The following CLBA1 variants were observed in gnomAD, a reference collection of about 807,000 sequenced individuals.
The protein encoded by CLBA1 is uncharacterized protein CLBA1.
In CLBA1, 30 loss-of-function variants were observed where a neutral mutation model predicts 28.8. The observed-to-expected ratio is 1.04, with a 90% CI of 0.78 to 1.41. CLBA1 has a LOEUF of 1.41. Ranked by LOEUF, CLBA1 falls within the 40% of genes most tolerant of loss-of-function variation. The pLI is 0.00. For missense variants in CLBA1, 451 were observed against 412.3 expected (o/e 1.09, Z -0.81); for synonymous variants, 160 against 152.8 (o/e 1.05, Z -0.35).
Position 104,992,875 on chromosome 14 carries a change from G to A in CLBA1, c.700-73G>A, listed in dbSNP as rs553515417. The A allele has an allele frequency of 1.4e-5, 17 of 1,200,158 alleles. No homozygotes were observed. The Admixed American group carries it at 2.0e-4, about 14-fold the overall frequency. 74.3% of individuals were successfully genotyped at this position (1,200,158 alleles called of 1,614,324 possible). A position where few individuals can be genotyped will look rare whatever the true frequency, so the allele number is the denominator to read the frequency against. On this transcript the variant is annotated intron_variant, in intron 3 of 4. Transcript: ENST00000547315. ...CAGTTTTAGCATGAAATTAGTAGAG[G>A]GGCTCAGGGGAAAAGGAAACAGGAG...
chr14:104,988,817 G>A, intron 1 of CLBA1, 126 bp from the exon 2 acceptor site: 1 of 983,606 alleles, frequency 1.0e-6, no homozygotes, highest in South Asian at 1.8e-5. Context: ...TATGTCAAGT[G>A]ATAGTAACAC....
intron 2 of CLBA1, chr14:104,990,783 G>A (rs555619161): frequency 9.8e-5 from 15 of 153,774 alleles, no homozygotes; most frequent in African/African-American, 3.6e-4. Flanking sequence ...ACTCAGCACA[G>A]TTCTAGGCAC....
downstream of CLBA1, among the ~76,000 whole-genome samples, chr14:104,998,304 C>G (rs1900191914): frequency 2.0e-5 from 3 of 151,674 alleles, no homozygotes; most frequent in Non-Finnish European, 4.4e-5. Context: ...GTCCCAGCTA[C>G]TCAGGAGGCT....
chr14:104,989,382 G>A (rs1294728684), intron 2 of CLBA1: 2 of 423,044 alleles, frequency 4.7e-6, no homozygotes, highest in African/African-American at 2.0e-5. Context: ...AGTGGGTGGG[G>A]GCCTCGCATT....
Position 104,986,401 on chromosome 14 carries a change from A to G in CLBA1, c.-31A>G. 1.2e-6 allele frequency: 2 copies of G among 1,603,416 alleles called. No individual in the cohort carries two copies. The highest frequency in any genetic ancestry group is 2.2e-5 in the South Asian group (2 of 90,484). ...GTGCATGTCTCCTGAGCAGCTGCCC[A>G]TCGGGCCTCTGCTGGCCTGGGGGCT... On this transcript the variant is annotated 5_prime_UTR_variant, in exon 1 of 5. Transcript: ENST00000547315.
At chr14:104,996,025 A>G (rs1374546216), downstream of CLBA1, among the ~76,000 whole-genome samples, 1 of 152,156 alleles carries the variant, frequency 6.6e-6, no homozygotes, top group East Asian at 1.9e-4. Context: ...ACAAGCCAAA[A>G]TACTCCATCC....
At chr14:104,997,917 G>A (rs1160141182), downstream of CLBA1, among the ~76,000 whole-genome samples, 2 of 152,108 alleles carry the variant, frequency 1.3e-5, no homozygotes, top group Non-Finnish European at 2.9e-5. Flanking sequence ...GCTGAGACAA[G>A]AGACTTACTT....
chr14:104,994,752 T>C lies in CLBA1; in HGVS notation c.971T>C (p.Val324Ala). 3 of 1,597,884 alleles carry C rather than the reference T, an allele frequency of 1.9e-6. No homozygotes were observed. The highest frequency in any genetic ancestry group is 2.6e-6 in the Non-Finnish European group (3 of 1,173,980). ...AAACTGACACTCTTTAATAGCGACG[T>C]TTGCTAAAATCAGGAGGACTTTGTA... ...KLKLTLFNSD[V>A]C is the part of the protein sequence containing the mutation. The change falls in exon 5 of 5, where the codon GTT becomes GCT. Residue 324 changes from valine to alanine, a missense_variant. Val to Ala is a moderately conservative substitution (Grantham distance 64). Coordinates refer to ENST00000547315, the MANE Select transcript of CLBA1 (RefSeq NM_174891.4).
chr14:104,989,927 G>A, intron 2 of CLBA1: 1 of 342,302 alleles, frequency 2.9e-6, no homozygotes, highest in Non-Finnish European at 5.9e-6. Context: ...GTCCTCTGCT[G>A]GGGTCCAACC....
chr14:104,989,558 C>T (rs576614843), intron 2 of CLBA1: 14 of 455,494 alleles, frequency 3.1e-5, no homozygotes, highest in East Asian at 6.9e-5. Flanking sequence ...GGGGTGCTCC[C>T]GGTGCTGCCT....
Position 104,986,016 on chromosome 14 carries a change from C to T in CLBA1, c.-416C>T. ...TCTCGGGAGGCCCCGGGGCGCCGCA[C>T]CCACTCCTTCCCACTTGGGACTCCC... On this transcript the variant is annotated 5_prime_UTR_variant, in exon 1 of 5. Coordinates refer to ENST00000547315, the MANE Select transcript of CLBA1 (RefSeq NM_174891.4). 3 of 238,612 alleles carry T rather than the reference C, an allele frequency of 1.3e-5. No individual in the cohort carries two copies. The highest frequency in any genetic ancestry group is 2.5e-5 in the Non-Finnish European group (3 of 119,298). The allele number at this position is 238,612 out of a possible 1,614,324, so 14.8% of individuals were successfully genotyped here.
rs118009682 is a variant in CLBA1 at position 104,985,812 on chromosome 14, A to G, written c.-620A>G. 11 of 299,706 alleles carry G rather than the reference A, an allele frequency of 3.7e-5. No homozygotes were observed. In the East Asian group the frequency reaches 1.7e-3, roughly 46 times the overall value. 18.6% of individuals were successfully genotyped at this position (299,706 alleles called of 1,614,324 possible). On this transcript the variant is annotated 5_prime_UTR_variant, in exon 1 of 5. Transcript: ENST00000547315. ...CAGGCAACGGGGCGGCGCAGGCAGGAGGGAACGGCTGGTTGCAGGTTTCTC... is the reference window on the plus strand; with the variant it reads ...CAGGCAACGGGGCGGCGCAGGCAGGGGGGAACGGCTGGTTGCAGGTTTCTC...
At chr14:104,996,274 G>A (rs1311800778), downstream of CLBA1, among the ~76,000 whole-genome samples, 3 of 152,236 alleles carry the variant, frequency 2.0e-5, no homozygotes, top group East Asian at 3.8e-4. Context: ...CCAGAGGGGA[G>A]TGAGAGGAAG....
chr14:104,993,418 G>A (rs1900092146), intron 4 of CLBA1: 1 of 985,398 alleles, frequency 1.0e-6, no homozygotes, highest in Non-Finnish European at 1.2e-6. Context: ...GTGACTGTTG[G>A]GCCAGGGGAT....
intron 4 of CLBA1, chr14:104,993,917 G>C (rs1235266107): frequency 4.1e-6 from 4 of 985,332 alleles, no homozygotes; most frequent in Non-Finnish European, 4.8e-6. Context: ...AGACTGAGCT[G>C]GGACAGCAGG....
At chr14:104,993,729 C>T in intron 4 of CLBA1, 1 of 985,472 alleles carries the variant, frequency 1.0e-6, no homozygotes, top group East Asian at 1.1e-4. Context: ...AGGCCTAGCT[C>T]ACCTGGTTTC....
At chr14:104,993,733 T>G in intron 4 of CLBA1, 1 of 985,432 alleles carries the variant, frequency 1.0e-6, no homozygotes, top group Non-Finnish European at 1.2e-6. Context: ...CTAGCTCACC[T>G]GGTTTCCTGC....
intron 3 of CLBA1, 130 bp from the exon 4 acceptor site, chr14:104,992,818 G>T (rs866102312): frequency 1.3e-5 from 11 of 815,580 alleles, no homozygotes; most frequent in Non-Finnish European, 2.1e-5. Flanking sequence ...AAACTGGTGC[G>T]CTGACCTTGA....
At chr14:104,994,475 G>C (rs1055209167) in intron 4 of CLBA1, 123 bp from the exon 5 acceptor site, 1 of 1,429,382 alleles carries the variant, frequency 7.0e-7, no homozygotes, top group Non-Finnish European at 9.1e-7. Context: ...AGGTTTCTAA[G>C]AGGAGAACCA....
Sources: gnomAD v4.1 joint callset for allele counts (sites outside exome capture counted in the v4.1 genomes callset) on GRCh38, gnomAD v4.1.1 for gene constraint, MANE v1.5 for transcripts, NCBI Gene and HGNC (gene_info 2026-07-23, HGNC 2026-07-21) for gene names.